Variants in SLC35F1 observed in about 807,000 individuals in gnomAD.
SLC35F1 encodes chromosome 6 open reading frame 169.
A neutral mutation model predicts 48.7 loss-of-function variants in SLC35F1; 14 were observed. The ratio of observed to expected loss-of-function variants is 0.29; its 90% CI spans 0.19 to 0.45. The LOEUF is 0.45. Among genes scored for constraint, SLC35F1 ranks in the 20% least tolerant of loss-of-function variants. The pLI is 1.00. For synonymous variants in SLC35F1, 190 were observed against 202.2 expected (o/e 0.94, Z 0.51); for missense variants, 404 against 500.0 (o/e 0.81, Z 1.83).
At chr6:118,123,357 AT>A (rs1773579699) in intron 1 of SLC35F1, among the ~76,000 whole-genome samples, 1 of 152,172 alleles carries the variant, frequency 6.6e-6, no homozygotes, top group Non-Finnish European at 1.5e-5. Context: ...GTTGAGTAGA[AT>A]TGATCATCCA....
At chr6:118,257,903 A>G (rs890506489) in intron 3 of SLC35F1, among the ~76,000 whole-genome samples, 49 of 152,304 alleles carry the variant, frequency 3.2e-4, no homozygotes, top group Non-Finnish European at 2.9e-5. Flanking sequence ...CAGTTTTCCA[A>G]TCTTAGTTAC....
At chr6:118,266,887 C>A in intron 3 of SLC35F1, 108 bp from the exon 4 acceptor site, 1 of 1,226,802 alleles carries the variant, frequency 8.2e-7, no homozygotes, top group Non-Finnish European at 1.2e-6. Flanking sequence ...ATCTCAGGTT[C>A]AGGGGAAAGG....
rs1033983001 is a variant in SLC35F1 at position 118,316,533 on chromosome 6, T to G, written c.*2281T>G. ...TTTAGTATTTATTTTAAGCCAGATGTTTTCATCTTTGATTCATTTTTATGA... is the reference window on the plus strand; with the variant it reads ...TTTAGTATTTATTTTAAGCCAGATGGTTTCATCTTTGATTCATTTTTATGA... On this transcript the variant is annotated 3_prime_UTR_variant, in exon 8 of 8. Coordinates refer to ENST00000360388, the MANE Select transcript of SLC35F1 (RefSeq NM_001029858.4). 1.3e-5 allele frequency: 2 copies of G among 152,680 alleles called. No homozygotes were observed. Among genetic ancestry groups the G allele is most frequent in the African/African-American group, 4.8e-5 (2 of 41,470 alleles). 9.5% of individuals were successfully genotyped at this position (152,680 alleles called of 1,614,324 possible). A position where few individuals can be genotyped will look rare whatever the true frequency, so the allele number is the denominator to read the frequency against.
chr6:118,016,466 A>G (rs546973758), intron 1 of SLC35F1, among the ~76,000 whole-genome samples: 2 of 152,362 alleles, frequency 1.3e-5, no homozygotes, highest in East Asian at 1.9e-4. Context: ...CACTTTATAC[A>G]TATGAAAACA....
Position 117,921,903 on chromosome 6 carries a change from AG to A in SLC35F1, c.173+14005del, listed in dbSNP as rs146072847. On this transcript the variant is annotated intron_variant, in intron 1 of 7. Coordinates refer to ENST00000360388, the MANE Select transcript of SLC35F1 (RefSeq NM_001029858.4). The stretch of plus-strand genomic sequence containing the variant: ...AAAAAATGTAAATGGGAATGTAGGT[AG>A]AATAAACTGGTGTACTGGACTTGCA... 3.3e-3 allele frequency among the ~76,000 whole-genome samples: 498 copies of A among 152,344 alleles called. 10 individuals carry two copies. Among genetic ancestry groups the A allele is most frequent in the East Asian group, 0.024 (123 of 5,188 alleles).
chr6:118,169,598 C>T (rs902227347), intron 2 of SLC35F1, among the ~76,000 whole-genome samples: 1 of 152,140 alleles, frequency 6.6e-6, no homozygotes, highest in Non-Finnish European at 1.5e-5. Context: ...CCAGCCAAGC[C>T]ACCCATCGCG....
intron 1 of SLC35F1, among the ~76,000 whole-genome samples, chr6:118,121,178 T>C (rs1032977183): frequency 2.6e-5 from 4 of 152,156 alleles, no homozygotes; most frequent in African/African-American, 9.7e-5. Context: ...TTCACCATGG[T>C]AAGCATTAGC....
chr6:118,011,061 G>C (rs1034563007), intron 1 of SLC35F1, among the ~76,000 whole-genome samples: 3 of 152,124 alleles, frequency 2.0e-5, no homozygotes, highest in Non-Finnish European at 4.4e-5. Flanking sequence ...ACATCCAATA[G>C]TACAGTGGTC....
At chr6:118,048,269 C>A (rs2114907559) in intron 1 of SLC35F1, among the ~76,000 whole-genome samples, 1 of 152,174 alleles carries the variant, frequency 6.6e-6, no homozygotes, top group South Asian at 2.1e-4. Context: ...TGATGTGCTG[C>A]TGGATTCGGT....
At chr6:117,951,335 G>A (rs574119199) in intron 1 of SLC35F1, among the ~76,000 whole-genome samples, 2 of 152,270 alleles carry the variant, frequency 1.3e-5, no homozygotes, top group East Asian at 3.9e-4. Flanking sequence ...GTTTGAGGTC[G>A]AAAAACTTAG....
chr6:118,167,099 G>T (rs989089874), intron 2 of SLC35F1, among the ~76,000 whole-genome samples: 3 of 151,810 alleles, frequency 2.0e-5, no homozygotes, highest in African/African-American at 7.3e-5. Context: ...GGCTTTCTTC[G>T]TCTGTCAGTC....
chr6:118,223,335 A>G (rs1455542470), intron 2 of SLC35F1, among the ~76,000 whole-genome samples: 1 of 152,216 alleles, frequency 6.6e-6, no homozygotes, highest in Non-Finnish European at 1.5e-5. Context: ...TCATTTACCA[A>G]GCAGTTACTG....
intron 3 of SLC35F1, among the ~76,000 whole-genome samples, chr6:118,263,426 G>A (rs2114616428): frequency 6.6e-6 from 1 of 152,140 alleles, no homozygotes; most frequent in African/African-American, 2.4e-5. Context: ...CAAGGCATAA[G>A]GAGAATAAAA....
intron 2 of SLC35F1, among the ~76,000 whole-genome samples, chr6:118,167,335 A>G (rs1220509856): frequency 6.6e-6 from 1 of 152,178 alleles, no homozygotes; most frequent in African/African-American, 2.4e-5. Context: ...CTTCTGAGAA[A>G]TGCGTCTTTA....
chr6:118,020,401 T>C (rs1777378243), intron 1 of SLC35F1, among the ~76,000 whole-genome samples: 1 of 152,206 alleles, frequency 6.6e-6, no homozygotes, highest in African/African-American at 2.4e-5. Context: ...TGGTATCAGC[T>C]TATAACCAAC....
intron 1 of SLC35F1, among the ~76,000 whole-genome samples, chr6:118,053,060 C>T (rs6932176): frequency 0.99 from 151,281 of 152,108 alleles, 75,236 homozygotes; most frequent in Middle Eastern, 1. Flanking sequence ...TGAATCGATA[C>T]TGTGAAGAGC....
chr6:118,141,657 GA>G (rs554985546), intron 1 of SLC35F1, among the ~76,000 whole-genome samples: 18 of 152,246 alleles, frequency 1.2e-4, no homozygotes, highest in African/African-American at 4.1e-4. Context: ...CCCTGTTCAT[GA>G]GGACTCCATC....
chr6:118,120,484 T>C (rs901249898), intron 1 of SLC35F1, among the ~76,000 whole-genome samples: 1 of 152,230 alleles, frequency 6.6e-6, no homozygotes, highest in Non-Finnish European at 1.5e-5. Context: ...TAGCTGTATA[T>C]GTAAACTTAG....
chr6:117,988,507 G>A (rs1562256579), intron 1 of SLC35F1, among the ~76,000 whole-genome samples: 1 of 152,162 alleles, frequency 6.6e-6, no homozygotes, highest in Non-Finnish European at 1.5e-5. Flanking sequence ...ATGCAGAGTT[G>A]AAAACTTCCC....
Sources: gnomAD v4.1 joint callset for allele counts (sites outside exome capture counted in the v4.1 genomes callset) on GRCh38, gnomAD v4.1.1 for gene constraint, MANE v1.5 for transcripts, NCBI Gene and HGNC (gene_info 2026-07-23, HGNC 2026-07-21) for gene names.